Variants in PCDHGA9 observed in about 807,000 individuals in gnomAD.
The protein encoded by PCDHGA9 is protocadherin gamma-A9.
In PCDHGA9, 37 loss-of-function variants were observed where a neutral mutation model predicts 62.5. The observed-to-expected ratio is 0.59, with a 90% CI of 0.46 to 0.78. The LOEUF (loss-of-function observed/expected upper bound fraction) is 0.78, where lower values mean the gene tolerates loss of function less well. Ranked by LOEUF, PCDHGA9 falls within the 30% of genes least tolerant of loss-of-function variation. PCDHGA9 has a pLI of 0.00. For missense variants in PCDHGA9, 1,138 were observed against 1,166.2 expected (o/e 0.98, Z 0.35); for synonymous variants, 459 against 484.6 (o/e 0.95, Z 0.69).
At chr5:141,499,689 CT>C (rs545067566) in intron 2 of PCDHGA9, among the ~76,000 whole-genome samples, 4,434 of 119,828 alleles carry the variant, frequency 0.037, 46 homozygotes, top group African/African-American at 0.083. Context: ...TAACAGATGA[CT>C]TTTTTTTTTT....
At position 141,485,035 on chromosome 5, in the gene PCDHGA9, AC is replaced by A; in HGVS notation, c.2425-9769del. ...CCGCCACCAGCAAAAACGGCGCGTA[AC>A]CCTTGCGGCGCCGGCCGAACCGCGC... On this transcript the variant is annotated intron_variant, in intron 1 of 3. Coordinates refer to ENST00000573521, the MANE Select transcript of PCDHGA9 (RefSeq NM_018921.3). The surrounding 1 kb of genome is among the most constrained non-coding windows in gnomAD (Gnocchi z 5.7). 1.4e-6 allele frequency: 1 copy of A among 694,388 alleles called. No homozygotes were observed. Among genetic ancestry groups the A allele is most frequent in the East Asian group, 2.6e-5 (1 of 38,852 alleles). The allele number at this position is 694,388 out of a possible 1,614,324, so 43.0% of individuals were successfully genotyped here.
intron 1 of PCDHGA9, among the ~76,000 whole-genome samples, chr5:141,448,115 T>A (rs62379166): frequency 0.025 from 3,743 of 151,768 alleles, 65 homozygotes; most frequent in Middle Eastern, 0.086. Flanking sequence ...GAAAAGAAAA[T>A]TAGCCTCCCC....
chr5:141,505,322 G>A, intron 2 of PCDHGA9, 71 bp from the exon 3 acceptor site: 1 of 1,606,332 alleles, frequency 6.2e-7, no homozygotes, highest in African/African-American at 1.3e-5. Context: ...TGGGAGCCCT[G>A]GGAGAGGACA....
At chr5:141,423,754 GGGGGGGT>G in intron 1 of PCDHGA9, 1 of 577,826 alleles carries the variant, frequency 1.7e-6, no homozygotes, top group Non-Finnish European at 2.2e-6. Flanking sequence ...ACTGTTTGGG[GGGGGGGT>G]GGGGCGGCAT....
intron 1 of PCDHGA9, chr5:141,430,875 T>C: frequency 6.3e-7 from 1 of 1,599,398 alleles, no homozygotes; most frequent in Non-Finnish European, 8.5e-7. Context: ...CCGGAAGAGC[T>C]GGAGAAAGGC....
At position 141,423,756 on chromosome 5, in the gene PCDHGA9, G is replaced by GGA. The variant is rs1554116833; in HGVS notation, c.2424+18381_2424+18382insAG. 3 of 448,454 alleles carry GGA rather than the reference G, an allele frequency of 6.7e-6. No individual in the cohort carries two copies. In the African/African-American group the frequency reaches 8.4e-5, roughly 13 times the overall value. The allele number at this position is 448,454 out of a possible 1,614,324, so 27.8% of individuals were successfully genotyped here. A position where few individuals can be genotyped will look rare whatever the true frequency, so the allele number is the denominator to read the frequency against. ...GCCTGTTATGAAAACTGTTTGGGGG[G>GGA]GGGGTGGGGCGGCATATATTTAGTT... On this transcript the variant is annotated intron_variant, in intron 1 of 3. Coordinates refer to ENST00000573521, the MANE Select transcript of PCDHGA9 (RefSeq NM_018921.3).
intron 1 of PCDHGA9, among the ~76,000 whole-genome samples, chr5:141,445,554 C>T (rs898901856): frequency 3.3e-5 from 5 of 152,102 alleles, no homozygotes; most frequent in African/African-American, 1.2e-4. Context: ...TACAAAAGCA[C>T]TAAGAGAAAG....
At chr5:141,505,552 T>C (rs920594597) in intron 3 of PCDHGA9, 71 bp downstream of exon 3, 8 of 1,608,230 alleles carry the variant, frequency 5.0e-6, no homozygotes, top group Non-Finnish European at 6.8e-6. Context: ...ACAGCCACCA[T>C]GCCCACGGAC....
At chr5:141,415,026 G>A in intron 1 of PCDHGA9, 1 of 1,613,590 alleles carries the variant, frequency 6.2e-7, no homozygotes, top group Non-Finnish European at 8.5e-7. Flanking sequence ...AGGCCAGCGA[G>A]CCGGGACTCT....
chr5:141,423,672 T>A, intron 1 of PCDHGA9: 2 of 1,549,982 alleles, frequency 1.3e-6, no homozygotes, highest in Non-Finnish European at 1.7e-6. Context: ...TGAGATTTAT[T>A]TCTCTGCCTC....
intron 2 of PCDHGA9, among the ~76,000 whole-genome samples, chr5:141,502,705 T>C (rs1475675789): frequency 6.6e-6 from 1 of 152,248 alleles, no homozygotes; most frequent in African/African-American, 2.4e-5. Context: ...TATCTGTTTT[T>C]ACATCAGTGA....
intron 1 of PCDHGA9, among the ~76,000 whole-genome samples, chr5:141,454,649 G>A (rs1202153817): frequency 6.6e-6 from 1 of 151,800 alleles, no homozygotes; most frequent in Non-Finnish European, 1.5e-5. Context: ...CAGGTGATCT[G>A]CCCACCTCGG....
In PCDHGA9 at chr5:141,431,129, A is replaced by G. The variant is rs771219303; in HGVS notation, c.2424+25753A>G. The G allele has an allele frequency of 7.4e-6, 12 of 1,614,152 alleles. No homozygotes were observed. The Admixed American group carries it at 1.7e-4, about 22-fold the overall frequency. Reference sequence around the variant, plus strand: ...AATATATGGAGTAGAAGTAGAAGTAAGGGACATTAACGACAATGCGCCTTA... The same window carrying G: ...AATATATGGAGTAGAAGTAGAAGTAGGGGACATTAACGACAATGCGCCTTA... On this transcript the variant is annotated intron_variant, in intron 1 of 3. Coordinates refer to ENST00000573521, the MANE Select transcript of PCDHGA9 (RefSeq NM_018921.3). The surrounding 1 kb of genome is among the most constrained non-coding windows in gnomAD (Gnocchi z 4.8).
chr5:141,412,942 A>G, intron 1 of PCDHGA9: 1 of 465,476 alleles, frequency 2.1e-6, no homozygotes, highest in Non-Finnish European at 3.8e-6. Flanking sequence ...TAGGACTCTG[A>G]GCGCCGCTGT....
chr5:141,477,611 C>T lies in PCDHGA9; in HGVS notation c.2425-17196C>T. On this transcript the variant is annotated intron_variant, in intron 1 of 3. Coordinates refer to ENST00000573521, the MANE Select transcript of PCDHGA9 (RefSeq NM_018921.3). This position sits in a 1 kb window ranked among gnomAD's most constrained non-coding sequence, Gnocchi z 4.9. ...TCGGCTTTCTTTCTTTCTCTTGGAG[C>T]AAGGAGCTGAAACCGGGCTAGTGGG... is the stretch of plus-strand genomic sequence containing the variant. The T allele has an allele frequency of 6.2e-7, 1 of 1,614,188 alleles. No homozygotes were observed. The highest frequency in any genetic ancestry group is 8.5e-7 in the Non-Finnish European group (1 of 1,180,036).
At position 141,477,269 on chromosome 5, in the gene PCDHGA9, G is replaced by A; in HGVS notation, c.2425-17538G>A. On this transcript the variant is annotated intron_variant, in intron 1 of 3. Coordinates refer to ENST00000573521, the MANE Select transcript of PCDHGA9 (RefSeq NM_018921.3). This position sits in a 1 kb window ranked among gnomAD's most constrained non-coding sequence, Gnocchi z 4.9. Reference sequence around the variant, plus strand: ...GACTGACCTGGATGCTGGCGAGAACGGGCTGGTGACCTGCGAAGTTCCACC... The same window carrying A: ...GACTGACCTGGATGCTGGCGAGAACAGGCTGGTGACCTGCGAAGTTCCACC... 1.9e-6 allele frequency: 3 copies of A among 1,614,154 alleles called. No individual in the cohort carries two copies. Among genetic ancestry groups the A allele is most frequent in the Non-Finnish European group, 2.5e-6 (3 of 1,180,030 alleles).
chr5:141,412,898 C>T (rs1300324880), intron 1 of PCDHGA9: 2 of 361,136 alleles, frequency 5.5e-6, no homozygotes, highest in Non-Finnish European at 9.8e-6. Context: ...AGTTTACTTT[C>T]CATTGCATGT....
intron 1 of PCDHGA9, chr5:141,419,684 G>A (rs1286646418): frequency 5.4e-5 from 87 of 1,612,770 alleles, no homozygotes; most frequent in Non-Finnish European, 7.3e-5. Flanking sequence ...CTACCACGTG[G>A]TGCAGGCCAG....
intron 2 of PCDHGA9, among the ~76,000 whole-genome samples, chr5:141,502,186 CA>C (rs1470455379): frequency 1.3e-5 from 2 of 152,148 alleles, no homozygotes; most frequent in Non-Finnish European, 2.9e-5. Context: ...AACATTAATA[CA>C]ATAATATAGA....
Sources: allele counts gnomAD v4.1 joint callset (sites outside exome capture counted in the v4.1 genomes callset), GRCh38; gene constraint gnomAD v4.1.1; non-coding constraint Gnocchi (gnomAD v3.1); transcripts MANE v1.5; gene names NCBI Gene and HGNC (gene_info 2026-07-23, HGNC 2026-07-21).